Variants in PARP14 observed in about 807,000 individuals in gnomAD.
PARP14 encodes the protein protein mono-ADP-ribosyltransferase PARP14.
A neutral mutation model predicts 154.2 loss-of-function variants in PARP14; 59 were observed. That is an observed-to-expected ratio of 0.38 (90% confidence interval 0.31 to 0.48). The LOEUF (loss-of-function observed/expected upper bound fraction) is 0.48. Among genes scored for constraint, PARP14 ranks in the 20% least tolerant of loss-of-function variants. PARP14 has a pLI of 0.98. For synonymous variants in PARP14, 720 were observed against 780.5 expected (o/e 0.92, Z 1.29); for missense variants, 1,734 against 2,131.6 (o/e 0.81, Z 3.67).
intron 15 of PARP14, among the ~76,000 whole-genome samples, chr3:122,727,214 C>T (rs1466652414): frequency 6.6e-6 from 1 of 152,132 alleles, no homozygotes; most frequent in Non-Finnish European, 1.5e-5. Context: ...AGAAGTAGAA[C>T]TGCAACCCAG....
chr3:122,692,199 G>T, intron 3 of PARP14, 102 bp from the exon 4 acceptor site: 2 of 890,874 alleles, frequency 2.2e-6, no homozygotes, highest in Non-Finnish European at 3.3e-6. Context: ...TTAGCCAAGA[G>T]ATTGGCAAGG....
chr3:122,704,082 C>A, intron 7 of PARP14, 104 bp downstream of exon 7: 3 of 748,574 alleles, frequency 4.0e-6, no homozygotes, highest in Non-Finnish European at 6.8e-6. Flanking sequence ...TGTTTCTCTT[C>A]CATAATAATC....
intron 4 of PARP14, 71 bp from the exon 5 acceptor site, chr3:122,695,355 T>C (rs2107640923): frequency 1.3e-6 from 1 of 770,866 alleles, no homozygotes; most frequent in East Asian, 2.7e-5. Flanking sequence ...TAGCCAGACA[T>C]TTTCTTCTAT....
chr3:122,684,331 G>A (rs548975525), intron 1 of PARP14, among the ~76,000 whole-genome samples: 7 of 152,048 alleles, frequency 4.6e-5, no homozygotes, highest in African/African-American at 7.2e-5. Flanking sequence ...ACTTCTTCCC[G>A]TTCTTCATGG....
At chr3:122,693,966 G>A (rs1025859584) in intron 4 of PARP14, among the ~76,000 whole-genome samples, 1 of 152,188 alleles carries the variant, frequency 6.6e-6, no homozygotes, top group Non-Finnish European at 1.5e-5. Flanking sequence ...TTCTTACAAA[G>A]GAAAAACTAA....
At position 122,718,599 on chromosome 3, in the gene PARP14, A is replaced by G; in HGVS notation, c.4448A>G (p.Asn1483Ser). 1.2e-6 allele frequency: 2 copies of G among 1,613,986 alleles called. No individual in the cohort carries two copies. The highest frequency in any genetic ancestry group is 1.7e-6 in the Non-Finnish European group (2 of 1,179,880). Residue 1483 changes from asparagine (N) to serine (S), a missense_variant, in exon 14 of 17, where the codon AAT (asparagine) becomes AGT (serine). Physicochemically the swap from Asn to Ser is conservative, Grantham distance 46. Coordinates refer to ENST00000474629, the MANE Select transcript of PARP14 (RefSeq NM_017554.3). ...QELNELQKKLNINISLDHKRP... is the reference protein window; with the variant it reads ...QELNELQKKLSINISLDHKRP... ...TTGAATGAGCTGCAGAAGAAGTTAA[A>G]TATTAACATTTCCCTGGACCATAAG... is the stretch of plus-strand genomic sequence containing the variant.
At position 122,698,061 on chromosome 3, in the gene PARP14, C is replaced by G. The variant is rs144884977; in HGVS notation, c.836-1329C>G. The stretch of plus-strand genomic sequence containing the variant: ...GAAATGAAATAATACCAGCAAAGAG[C>G]CTGGTGCCTGATGGTGCTCAGTAAG... On this transcript the variant is annotated intron_variant, in intron 5 of 16. Coordinates refer to ENST00000474629, the MANE Select transcript of PARP14 (RefSeq NM_017554.3). Among the ~76,000 whole-genome samples the G allele has an allele frequency of 2.5e-3, 384 of 152,272 alleles. 2 individuals are homozygous for G. The highest frequency in any genetic ancestry group is 7.7e-3 in the African/African-American group (320 of 41,546).
At chr3:122,691,712 C>A (rs988821360) in intron 3 of PARP14, among the ~76,000 whole-genome samples, 1 of 152,152 alleles carries the variant, frequency 6.6e-6, no homozygotes, top group Non-Finnish European at 1.5e-5. Flanking sequence ...ACATGTGTCT[C>A]GCTTTTGAGA....
At chr3:122,708,092 C>A in intron 8 of PARP14, 98 bp from the exon 9 acceptor site, 1 of 608,762 alleles carries the variant, frequency 1.6e-6, no homozygotes, top group Non-Finnish European at 2.9e-6. Flanking sequence ...GGTTATCTCC[C>A]AAATATGTAT....
At chr3:122,728,218 C>G in intron 16 of PARP14, 90 bp from the exon 17 acceptor site, 1 of 1,229,598 alleles carries the variant, frequency 8.1e-7, no homozygotes, top group Non-Finnish European at 1.2e-6. Flanking sequence ...TTAAGAGAGG[C>G]TTTAGAAAGA....
chr3:122,701,146 C>T lies in PARP14; in HGVS notation c.2592C>T (p.Ala864=), dbSNP rs16833421. 5.0e-3 allele frequency: 8,009 copies of T among 1,613,894 alleles called. 328 individuals carry two copies. The African/African-American group carries it at 0.089, about 18-fold the overall frequency. The change falls in exon 6 of 17, where the codon GCC becomes GCT. Residue 864 remains alanine, a synonymous_variant. Coordinates refer to ENST00000474629, the MANE Select transcript of PARP14 (RefSeq NM_017554.3). The surrounding 1 kb of genome is among the most constrained non-coding windows in gnomAD (Gnocchi z 4.0). ...KREGRLLPGN[A]TISKAGKLPY... ...AGGGCAGACTCCTACCGGGCAATGC[C>T]ACCATCTCCAAGGCAGGAAAGCTGC...
chr3:122,703,781 C>T lies in PARP14; in HGVS notation c.3121C>T (p.Leu1041Phe). The change falls in exon 7 of 17, where the codon CTT becomes TTT. Residue 1041 changes from leucine (L) to phenylalanine (F), a missense_variant. Leu to Phe is a conservative substitution (Grantham distance 22). Coordinates refer to ENST00000474629, the MANE Select transcript of PARP14 (RefSeq NM_017554.3). ...CAACTCCGTTCCCTTGGATCTCGTG[C>T]TTAGTAGAGGGCCTCTTTCTAAGTC... ...VVNSVPLDLV[L>F]SRGPLSKSLL... The T allele has an allele frequency of 6.2e-7, 1 of 1,613,222 alleles. No homozygotes were observed. Among genetic ancestry groups the T allele is most frequent in the Non-Finnish European group, 8.5e-7 (1 of 1,179,442 alleles).
At chr3:122,690,900 C>T (rs1938519891) in intron 3 of PARP14, among the ~76,000 whole-genome samples, 1 of 152,188 alleles carries the variant, frequency 6.6e-6, no homozygotes, top group Non-Finnish European at 1.5e-5. Context: ...TTCATGTGGT[C>T]ATTCAGGGAC....
chr3:122,723,563 A>C (rs115330094), intron 15 of PARP14, among the ~76,000 whole-genome samples: 1 of 152,144 alleles, frequency 6.6e-6, no homozygotes, highest in South Asian at 2.1e-4. Flanking sequence ...TATTTCTGGT[A>C]AGCTGAGTTA....
intron 15 of PARP14, chr3:122,721,091 C>T (rs1933155477): frequency 6.2e-5 from 21 of 337,122 alleles, no homozygotes; most frequent in South Asian, 3.6e-4. Context: ...TTTGCAGGCA[C>T]GCTGTTTCTC....
intron 12 of PARP14, among the ~76,000 whole-genome samples, chr3:122,715,720 C>T (rs1248356662): frequency 6.6e-6 from 1 of 151,986 alleles, no homozygotes; most frequent in African/African-American, 2.4e-5. Context: ...ACCAATGACT[C>T]CTCAGTCTCT....
intron 1 of PARP14, among the ~76,000 whole-genome samples, chr3:122,682,948 A>G (rs982891956): frequency 6.6e-6 from 1 of 152,064 alleles, no homozygotes; most frequent in Admixed American, 6.6e-5. Context: ...CCAGCTACTC[A>G]GGAGGCTGAG....
intron 3 of PARP14, among the ~76,000 whole-genome samples, chr3:122,688,882 T>C (rs1938456452): frequency 1.3e-5 from 2 of 152,086 alleles, no homozygotes; most frequent in Admixed American, 6.5e-5. Flanking sequence ...AACTGAGGCG[T>C]CTGCAGGAGC....
intron 5 of PARP14, among the ~76,000 whole-genome samples, chr3:122,698,509 G>C (rs1001512712): frequency 1.3e-5 from 2 of 152,198 alleles, no homozygotes; most frequent in African/African-American, 4.8e-5. Flanking sequence ...GCTCTCAGAG[G>C]ACAGTGATGA....
Sources: gnomAD v4.1 joint callset for allele counts (sites outside exome capture counted in the v4.1 genomes callset) on GRCh38, gnomAD v4.1.1 for gene constraint, Gnocchi (gnomAD v3.1) non-coding constraint, MANE v1.5 for transcripts, NCBI Gene and HGNC (gene_info 2026-07-23, HGNC 2026-07-21) for gene names.